COBL: variants seen among roughly 807,000 people sequenced by gnomAD.
COBL encodes cordon-bleu WH2 repeat protein, also known as protein cordon-bleu.
COBL carries 51 observed loss-of-function variants against 98.8 expected under a neutral mutation model. The ratio of observed to expected loss-of-function variants is 0.52; its 90% confidence interval spans 0.41 to 0.65. The LOEUF (loss-of-function observed/expected upper bound fraction) is 0.65. Ranked by LOEUF, COBL falls within the 30% of genes least tolerant of loss-of-function variation. COBL has a pLI of 0.00. For synonymous variants in COBL, 634 were observed against 651.7 expected (o/e 0.97, Z 0.41); for missense variants, 1,617 against 1,617.5 (o/e 1.00, Z 0.01).
At chr7:51,236,397 A>G (rs1461404487) in intron 1 of COBL, among the ~76,000 whole-genome samples, 7 of 152,188 alleles carry the variant, frequency 4.6e-5, no homozygotes, top group Non-Finnish European at 1.0e-4. Context: ...AGGACAGGAC[A>G]GGGCAGGGCT....
intron 1 of COBL, among the ~76,000 whole-genome samples, chr7:51,244,055 T>A (rs1194286397): frequency 6.6e-6 from 1 of 152,196 alleles, no homozygotes; most frequent in Non-Finnish European, 1.5e-5. Context: ...TTCCCCATGT[T>A]GGTCCCTGCA....
chr7:51,119,075 A>C (rs948194213), intron 6 of COBL, among the ~76,000 whole-genome samples: 1 of 152,234 alleles, frequency 6.6e-6, no homozygotes, highest in Non-Finnish European at 1.5e-5. Context: ...AAGTTTTACA[A>C]ATGACACAGT....
At chr7:51,211,357 GC>G (rs1792409259) in intron 2 of COBL, among the ~76,000 whole-genome samples, 1 of 152,222 alleles carries the variant, frequency 6.6e-6, no homozygotes, top group African/African-American at 2.4e-5. Flanking sequence ...CCTGGGTGGG[GC>G]TGACTGCATC....
intron 6 of COBL, among the ~76,000 whole-genome samples, chr7:51,117,034 T>C (rs1797327844): frequency 6.6e-6 from 1 of 151,982 alleles, no homozygotes. Flanking sequence ...GCTACACCCA[T>C]TAACTCGTCA....
At chr7:51,273,836 C>T (rs1198351322) in intron 1 of COBL, among the ~76,000 whole-genome samples, 1 of 152,176 alleles carries the variant, frequency 6.6e-6, no homozygotes, top group Non-Finnish European at 1.5e-5. Context: ...TTTGGGAATG[C>T]CAACGCCTCA....
intron 1 of COBL, among the ~76,000 whole-genome samples, chr7:51,234,053 G>A (rs778348858): frequency 2.0e-5 from 3 of 152,150 alleles, no homozygotes; most frequent in Non-Finnish European, 2.9e-5. Context: ...AGAAAAGAAG[G>A]GTATGTGAAA....
chr7:51,175,144 T>C (rs1788247968), intron 5 of COBL, among the ~76,000 whole-genome samples: 1 of 152,256 alleles, frequency 6.6e-6, no homozygotes, highest in South Asian at 2.1e-4. Context: ...GATTCAGGCA[T>C]CAGTGATTAA....
At chr7:51,173,801 C>G (rs1788105877) in intron 5 of COBL, among the ~76,000 whole-genome samples, 1 of 152,134 alleles carries the variant, frequency 6.6e-6, no homozygotes, top group Non-Finnish European at 1.5e-5. Flanking sequence ...GCTTTTAAAA[C>G]TTTAAAACAC....
At chr7:51,189,982 T>C (rs1789938830) in intron 4 of COBL, among the ~76,000 whole-genome samples, 1 of 152,194 alleles carries the variant, frequency 6.6e-6, no homozygotes, top group East Asian at 1.9e-4. Flanking sequence ...GCTCTAACTG[T>C]GGCCTCATAC....
At chr7:51,316,305 A>G (rs971408082) in intron 1 of COBL, 1 of 272,100 alleles carries the variant, frequency 3.7e-6, no homozygotes, top group East Asian at 6.7e-5. Context: ...GCTGGCGGGG[A>G]CCCCCATAAG....
At chr7:51,157,336 G>A (rs1786266813) in intron 5 of COBL, among the ~76,000 whole-genome samples, 1 of 152,208 alleles carries the variant, frequency 6.6e-6, no homozygotes, top group Non-Finnish European at 1.5e-5. Flanking sequence ...TCATGCCACT[G>A]CACTCCAGCC....
chr7:51,212,232 T>C (rs987737272), intron 2 of COBL, among the ~76,000 whole-genome samples: 1 of 152,232 alleles, frequency 6.6e-6, no homozygotes, highest in Non-Finnish European at 1.5e-5. Context: ...TCAAAAAATT[T>C]TTTTGAGTCA....
chr7:51,085,353 G>A (rs761432373), intron 6 of COBL, 49 bp from the exon 7 acceptor site: 2 of 476,008 alleles, frequency 4.2e-6, no homozygotes, highest in East Asian at 4.2e-5. Context: ...TTGTACCTAT[G>A]AAGTACAAAG....
intron 6 of COBL, among the ~76,000 whole-genome samples, chr7:51,111,695 T>C (rs1796844698): frequency 6.6e-6 from 1 of 152,164 alleles, no homozygotes; most frequent in African/African-American, 2.4e-5. Context: ...TGCATGCTCC[T>C]TGACTTCATG....
At chr7:51,131,068 C>T (rs995501347) in intron 6 of COBL, among the ~76,000 whole-genome samples, 8 of 152,180 alleles carry the variant, frequency 5.3e-5, no homozygotes, top group East Asian at 3.8e-4. Context: ...GATCATAACA[C>T]AGCCTCCATC....
intron 1 of COBL, among the ~76,000 whole-genome samples, chr7:51,274,863 AG>A (rs1327804303): frequency 1.3e-5 from 2 of 151,388 alleles, no homozygotes; most frequent in African/African-American, 4.9e-5. Flanking sequence ...AGATACTTTC[AG>A]GGTTTTCTGA....
At chr7:51,067,914 A>G (rs1792108253) in intron 7 of COBL, among the ~76,000 whole-genome samples, 1 of 152,206 alleles carries the variant, frequency 6.6e-6, no homozygotes, top group Non-Finnish European at 1.5e-5. Context: ...CTCTTAAATA[A>G]GCAGCCCCTT....
At chr7:51,064,048 C>G (rs1036541900) in intron 7 of COBL, among the ~76,000 whole-genome samples, 3 of 152,224 alleles carry the variant, frequency 2.0e-5, no homozygotes, top group Admixed American at 2.0e-4. Flanking sequence ...CTTTCTGCCC[C>G]ATCCCCTTTG....
chr7:51,217,153 A>G (rs975135278), intron 2 of COBL, among the ~76,000 whole-genome samples: 3 of 152,230 alleles, frequency 2.0e-5, no homozygotes, highest in African/African-American at 4.8e-5. Flanking sequence ...CTCAGTCACT[A>G]CATTACAAAA....
Sources: gnomAD v4.1 joint callset for allele counts (sites outside exome capture counted in the v4.1 genomes callset) on GRCh38, gnomAD v4.1.1 for gene constraint, MANE v1.5 for transcripts, NCBI Gene and HGNC (gene_info 2026-07-23, HGNC 2026-07-21) for gene names.